Variants in SSBP2 observed in about 807,000 individuals in gnomAD.
The protein encoded by SSBP2 is single stranded DNA binding protein 2.
A neutral mutation model predicts 61.8 loss-of-function variants in SSBP2; 17 were observed. The observed-to-expected ratio is 0.28, with a 90% CI of 0.19 to 0.41. The LOEUF (loss-of-function observed/expected upper bound fraction) is 0.41, where lower values mean the gene tolerates loss of function less well. SSBP2 is among the 10% of genes least tolerant of loss of function. SSBP2 has a pLI of 1.00. For missense variants in SSBP2, 310 were observed against 458.7 expected (o/e 0.68, Z 2.96); for synonymous variants, 139 against 141.3 (o/e 0.98, Z 0.12).
At chr5:81,642,617 A>G (rs766022904) in intron 2 of SSBP2, among the ~76,000 whole-genome samples, 135 of 152,332 alleles carry the variant, frequency 8.9e-4, no homozygotes, top group Non-Finnish European at 1.4e-3. Flanking sequence ...CATGTGGGAA[A>G]TTTTACATAT....
chr5:81,678,736 C>T (rs1313121551), intron 1 of SSBP2, among the ~76,000 whole-genome samples: 1 of 151,836 alleles, frequency 6.6e-6, no homozygotes, highest in African/African-American at 2.4e-5. Flanking sequence ...GACTTATCCT[C>T]GGAAACTATG....
chr5:81,718,208 A>G (rs1273550760), intron 1 of SSBP2, among the ~76,000 whole-genome samples: 1 of 152,212 alleles, frequency 6.6e-6, no homozygotes, highest in East Asian at 1.9e-4. Flanking sequence ...TATTTTAGGA[A>G]TTGACATAAG....
At chr5:81,745,622 T>TG (rs1302258483) in intron 1 of SSBP2, among the ~76,000 whole-genome samples, 7 of 152,016 alleles carry the variant, frequency 4.6e-5, no homozygotes, top group Non-Finnish European at 1.0e-4. Context: ...GGCAAAGCAA[T>TG]AACATACACA....
At position 81,420,253 on chromosome 5, in the gene SSBP2, T is replaced by C; in HGVS notation, c.*251A>G. The stretch of plus-strand genomic sequence containing the variant: ...TACAGTACATTCTCTTTCCCACACA[T>C]ATACATACACACATAATTATTTGCA... On this transcript the variant is annotated 3_prime_UTR_variant, in exon 17 of 17. Transcript: ENST00000320672. The C allele has an allele frequency of 3.7e-6, 2 of 538,066 alleles. No homozygotes were observed. Among genetic ancestry groups the C allele is most frequent in the African/African-American group, 1.9e-5 (1 of 52,786 alleles). 33.3% of individuals were successfully genotyped at this position (538,066 alleles called of 1,614,324 possible).
At chr5:81,590,548 G>C (rs1426922967) in intron 4 of SSBP2, among the ~76,000 whole-genome samples, 2 of 152,216 alleles carry the variant, frequency 1.3e-5, no homozygotes, top group Non-Finnish European at 2.9e-5. Flanking sequence ...ACTGAAACTA[G>C]CATGAGAATA....
At chr5:81,736,349 C>T (rs1254522243) in intron 1 of SSBP2, among the ~76,000 whole-genome samples, 1 of 152,034 alleles carries the variant, frequency 6.6e-6, no homozygotes, top group Non-Finnish European at 1.5e-5. Context: ...GAGCAGGATG[C>T]TGAAAAAAGT....
Position 81,420,204 on chromosome 5 carries a change from A to G in SSBP2, c.*300T>C. On this transcript the variant is annotated 3_prime_UTR_variant, in exon 17 of 17. Transcript: ENST00000320672. ...CCTGTGGGTCAATGTATGTATGTGT[A>G]TATGTCTGTATAACATACACATATA... The G allele has an allele frequency of 3.0e-6, 1 of 334,812 alleles. No homozygotes were observed. Among genetic ancestry groups the G allele is most frequent in the Non-Finnish European group, 5.4e-6 (1 of 184,642 alleles). The allele number at this position is 334,812 out of a possible 1,614,324, so 20.7% of individuals were successfully genotyped here.
intron 1 of SSBP2, among the ~76,000 whole-genome samples, chr5:81,662,993 T>A (rs1467199669): frequency 6.6e-6 from 1 of 152,194 alleles, no homozygotes; most frequent in Non-Finnish European, 1.5e-5. Context: ...TAATTACAGA[T>A]TCTGAACCAT....
intron 4 of SSBP2, among the ~76,000 whole-genome samples, chr5:81,564,566 A>G (rs1381228256): frequency 6.6e-6 from 1 of 152,244 alleles, no homozygotes; most frequent in African/African-American, 2.4e-5. Context: ...TTAGTCCAGA[A>G]GAAGTATCTT....
chr5:81,651,493 A>AG (rs1749726579), intron 1 of SSBP2, among the ~76,000 whole-genome samples: 5 of 152,180 alleles, frequency 3.3e-5, no homozygotes, highest in Non-Finnish European at 7.4e-5. Flanking sequence ...TGTAGCTACT[A>AG]AACACCTTGA....
At chr5:81,450,000 A>C (rs1763663001) in intron 10 of SSBP2, among the ~76,000 whole-genome samples, 1 of 152,128 alleles carries the variant, frequency 6.6e-6, no homozygotes, top group Non-Finnish European at 1.5e-5. Flanking sequence ...GGTCCCTTTC[A>C]GTTCATGATC....
intron 7 of SSBP2, 85 bp downstream of exon 7, chr5:81,474,411 T>A: frequency 8.4e-7 from 1 of 1,196,738 alleles, no homozygotes; most frequent in Non-Finnish European, 1.2e-6. Context: ...GAGATTTACT[T>A]ATACAAATAC....
intron 1 of SSBP2, among the ~76,000 whole-genome samples, chr5:81,658,211 C>G (rs1750391440): frequency 6.6e-6 from 1 of 152,140 alleles, no homozygotes; most frequent in South Asian, 2.1e-4. Flanking sequence ...ACAAACATCT[C>G]CAAAATCCTC....
intron 15 of SSBP2, among the ~76,000 whole-genome samples, chr5:81,434,569 C>T (rs1762549691): frequency 2.4e-5 from 3 of 126,984 alleles, no homozygotes; most frequent in African/African-American, 3.1e-5. Context: ...GCGGAGGTTG[C>T]GGTGAGCCGA....
chr5:81,535,164 C>T (rs1026030982), intron 4 of SSBP2, among the ~76,000 whole-genome samples: 1 of 151,924 alleles, frequency 6.6e-6, no homozygotes, highest in Non-Finnish European at 1.5e-5. Context: ...AAAAACACAG[C>T]ACTATTTACA....
chr5:81,417,254 A>T lies in SSBP2; in HGVS notation c.*3250T>A, dbSNP rs1038513929. Reference sequence around the variant, plus strand: ...GGAACATTTTCAAAGGAGTGCTAATAAGATTCACCCATCAAATATGTGTTG... The same window carrying T: ...GGAACATTTTCAAAGGAGTGCTAATTAGATTCACCCATCAAATATGTGTTG... On this transcript the variant is annotated 3_prime_UTR_variant, in exon 17 of 17. Coordinates refer to ENST00000320672, the MANE Select transcript of SSBP2 (RefSeq NM_012446.5). 1 of 152,218 alleles carries T rather than the reference A, an allele frequency of 6.6e-6. No homozygotes were observed. The highest frequency in any genetic ancestry group is 2.4e-5 in the African/African-American group (1 of 41,446). The allele number at this position is 152,218 out of a possible 1,614,324, so 9.4% of individuals were successfully genotyped here.
intron 1 of SSBP2, among the ~76,000 whole-genome samples, chr5:81,747,658 T>A (rs999512435): frequency 1.3e-5 from 2 of 152,194 alleles, no homozygotes; most frequent in African/African-American, 4.8e-5. Flanking sequence ...GTCTAACATC[T>A]TCAATAACAA....
chr5:81,521,526 T>C (rs1461686759), intron 4 of SSBP2, among the ~76,000 whole-genome samples: 1 of 151,978 alleles, frequency 6.6e-6, no homozygotes, highest in African/African-American at 2.4e-5. Context: ...CATCAAACTA[T>C]AGTTAACTAC....
At chr5:81,422,230 G>C (rs187898318) in intron 16 of SSBP2, among the ~76,000 whole-genome samples, 195 of 152,242 alleles carry the variant, frequency 1.3e-3, no homozygotes, top group African/African-American at 4.3e-3. Flanking sequence ...TTGGCAGAAA[G>C]AGAATAAAAT....
Sources: allele counts gnomAD v4.1 joint callset (sites outside exome capture counted in the v4.1 genomes callset), GRCh38; gene constraint gnomAD v4.1.1; transcripts MANE v1.5; gene names NCBI Gene and HGNC (gene_info 2026-07-23, HGNC 2026-07-21).